The following GKAP1 variants were observed in gnomAD, a reference collection of about 807,000 sequenced individuals.
GKAP1 encodes G kinase anchoring protein 1.
GKAP1 carries 31 observed loss-of-function variants against 56.7 expected under a neutral mutation model. That is an observed-to-expected ratio of 0.55 (90% CI 0.41 to 0.74). GKAP1 has a LOEUF of 0.74. Ranked by LOEUF, GKAP1 falls within the 30% of genes least tolerant of loss-of-function variation. GKAP1 has a pLI of 0.00. For synonymous variants in GKAP1, 151 were observed against 138.6 expected, an observed-to-expected ratio of 1.09 and a Z score of -0.63; for missense variants, 364 against 402.3, an observed-to-expected ratio of 0.90 and a Z score of 0.82.
At chr9:83,748,709 A>G (rs1232057760) in intron 9 of GKAP1, 1 of 161,362 alleles carries the variant, frequency 6.2e-6, no homozygotes, top group African/African-American at 2.4e-5. Flanking sequence ...ATGAAAACCA[A>G]AAGAAAAATG....
At chr9:83,749,677 T>A (rs1943354953) in intron 9 of GKAP1, among the ~76,000 whole-genome samples, 1 of 152,206 alleles carries the variant, frequency 6.6e-6, no homozygotes, top group South Asian at 2.1e-4. Flanking sequence ...GTATAGAAGT[T>A]ACCAGATTCA....
chr9:83,754,462 T>C (rs1176853110), intron 8 of GKAP1, among the ~76,000 whole-genome samples: 2 of 152,208 alleles, frequency 1.3e-5, no homozygotes, highest in Admixed American at 1.3e-4. Context: ...GTGAACAGAA[T>C]TGAAAAGATT....
intron 6 of GKAP1, among the ~76,000 whole-genome samples, chr9:83,782,950 G>A (rs937835033): frequency 5.3e-5 from 8 of 152,244 alleles, no homozygotes; most frequent in Non-Finnish European, 1.2e-4. Context: ...GATTACAGGC[G>A]TGAGCCACCA....
chr9:83,810,664 C>T (rs987956374), intron 2 of GKAP1, among the ~76,000 whole-genome samples: 1 of 152,206 alleles, frequency 6.6e-6, no homozygotes, highest in Non-Finnish European at 1.5e-5. Flanking sequence ...GCCCATCACA[C>T]CCAACTTACT....
intron 7 of GKAP1, among the ~76,000 whole-genome samples, chr9:83,779,616 C>CGTATATGTGTATATATATACACATAT (rs1564201926): frequency 5.1e-5 from 6 of 117,576 alleles, no homozygotes; most frequent in Non-Finnish European, 8.8e-5. Context: ...CACATATACA[C>CGTATATGTGTATATATATACACATAT]ACACACACAC....
At chr9:83,779,461 A>ACACACACACACACACACACG (rs1286080757) in intron 7 of GKAP1, among the ~76,000 whole-genome samples, 1 of 94,140 alleles carries the variant, frequency 1.1e-5, no homozygotes, top group Non-Finnish European at 2.4e-5. Flanking sequence ...ACACACACAC[A>ACACACACACACACACACACG]CACGCACATA....
At chr9:83,816,266 G>C (rs1944592460) in intron 2 of GKAP1, among the ~76,000 whole-genome samples, 1 of 151,800 alleles carries the variant, frequency 6.6e-6, no homozygotes, top group African/African-American at 2.4e-5. Flanking sequence ...CACACTTACT[G>C]TAAGTGATGT....
chr9:83,780,181 T>G (rs1233482269), intron 7 of GKAP1, among the ~76,000 whole-genome samples: 3 of 152,060 alleles, frequency 2.0e-5, no homozygotes, highest in Admixed American at 6.6e-5. Flanking sequence ...TTATGCTTCA[T>G]GCAAATAATC....
At chr9:83,771,680 C>T (rs893964382) in intron 7 of GKAP1, among the ~76,000 whole-genome samples, 3 of 152,072 alleles carry the variant, frequency 2.0e-5, no homozygotes, top group Non-Finnish European at 2.9e-5. Context: ...AATGCATGTG[C>T]GATTGCTAAG....
chr9:83,815,265 A>C (rs959177002), intron 2 of GKAP1, among the ~76,000 whole-genome samples: 1 of 152,022 alleles, frequency 6.6e-6, no homozygotes, highest in Non-Finnish European at 1.5e-5. Flanking sequence ...CTAAGCTACA[A>C]GCAGGAGAAT....
chr9:83,801,636 GCT>G (rs975918944), intron 3 of GKAP1, among the ~76,000 whole-genome samples: 4 of 152,206 alleles, frequency 2.6e-5, no homozygotes, highest in African/African-American at 9.7e-5. Context: ...GCTACTGTTT[GCT>G]TTACAGAAAG....
At chr9:83,775,541 C>CT (rs746167163) in intron 7 of GKAP1, among the ~76,000 whole-genome samples, 4 of 151,956 alleles carry the variant, frequency 2.6e-5, no homozygotes, top group Non-Finnish European at 4.4e-5. Context: ...ATGACAGAGC[C>CT]TTGGCAGATG....
intron 2 of GKAP1, among the ~76,000 whole-genome samples, chr9:83,816,141 A>G (rs1423657794): frequency 2.6e-5 from 4 of 151,964 alleles, no homozygotes; most frequent in Non-Finnish European, 5.9e-5. Context: ...GTGAGCCGAG[A>G]TCGCGCCATT....
chr9:83,768,059 C>CACTG (rs1340778499), intron 8 of GKAP1, among the ~76,000 whole-genome samples: 1 of 152,118 alleles, frequency 6.6e-6, no homozygotes, highest in Non-Finnish European at 1.5e-5. Flanking sequence ...AATAACAGAC[C>CACTG]ACTGACCAGA....
chr9:83,813,704 A>G (rs1944542966), intron 2 of GKAP1, among the ~76,000 whole-genome samples: 1 of 152,274 alleles, frequency 6.6e-6, no homozygotes, highest in Admixed American at 6.5e-5. Context: ...TGAAATAAAC[A>G]CACATTCTCA....
intron 7 of GKAP1, among the ~76,000 whole-genome samples, chr9:83,778,604 A>C (rs952507434): frequency 2.0e-5 from 3 of 152,176 alleles, no homozygotes; most frequent in Admixed American, 2.0e-4. Context: ...ACTAGGCTTA[A>C]TACCTGGGTG....
intron 8 of GKAP1, among the ~76,000 whole-genome samples, chr9:83,766,860 G>A (rs1236121207): frequency 1.9e-5 from 2 of 105,738 alleles, no homozygotes; most frequent in East Asian, 3.1e-4. Flanking sequence ...ACACCTGGTG[G>A]CTGGAGAATT....
intron 2 of GKAP1, among the ~76,000 whole-genome samples, chr9:83,810,683 T>G (rs1366030545): frequency 6.6e-6 from 1 of 152,222 alleles, no homozygotes; most frequent in Non-Finnish European, 1.5e-5. Context: ...CTACTTAACG[T>G]AAGTACTTGA....
chr9:83,775,252 T>C (rs997700748), intron 7 of GKAP1, among the ~76,000 whole-genome samples: 2 of 152,014 alleles, frequency 1.3e-5, no homozygotes, highest in African/African-American at 4.8e-5. Context: ...AGCATTCCTC[T>C]CACCTCAGCC....
Sources: allele counts gnomAD v4.1 joint callset (sites outside exome capture counted in the v4.1 genomes callset), GRCh38; gene constraint gnomAD v4.1.1; transcripts MANE v1.5; gene names NCBI Gene and HGNC (gene_info 2026-07-23, HGNC 2026-07-21).